APLP2: variants seen among roughly 807,000 people sequenced by gnomAD.
The protein encoded by APLP2 is amyloid beta precursor like protein 2, also known as CDEI box-binding protein.
A neutral mutation model predicts 89.9 loss-of-function variants in APLP2; 53 were observed. The ratio of observed to expected loss-of-function variants is 0.59; its 90% CI spans 0.47 to 0.74. APLP2 has a LOEUF of 0.74. APLP2 is among the 30% of genes least tolerant of loss of function. The pLI, the probability that APLP2 is intolerant of heterozygous loss-of-function variation, is 0.00. For missense variants in APLP2, 973 were observed against 975.9 expected, an observed-to-expected ratio of 1.00 and a Z score of 0.04; for synonymous variants, 372 against 348.6, an observed-to-expected ratio of 1.07 and a Z score of -0.75.
At chr11:130,072,184 C>T (rs1941229916) in intron 1 of APLP2, among the ~76,000 whole-genome samples, 1 of 152,216 alleles carries the variant, frequency 6.6e-6, no homozygotes, top group Non-Finnish European at 1.5e-5. Flanking sequence ...GACAAGTTCT[C>T]CTGTGTGCAT....
chr11:130,132,053 A>G (rs1304551762), intron 11 of APLP2, among the ~76,000 whole-genome samples: 1 of 152,110 alleles, frequency 6.6e-6, no homozygotes, highest in African/African-American at 2.4e-5. Context: ...CCCCCATACT[A>G]TAGCCAATGG....
At chr11:130,131,342 G>A (rs970808443) in intron 11 of APLP2, among the ~76,000 whole-genome samples, 4 of 152,092 alleles carry the variant, frequency 2.6e-5, no homozygotes, top group Non-Finnish European at 4.4e-5. Flanking sequence ...CAGGTAATCC[G>A]CCCACCTCTG....
intron 13 of APLP2, 39 bp from the exon 14 acceptor site, chr11:130,140,359 C>G (rs1253600202): frequency 6.5e-7 from 1 of 1,528,946 alleles, no homozygotes; most frequent in South Asian, 1.2e-5. Flanking sequence ...GTGAGATGGG[C>G]CATCCTTGGG....
chr11:130,115,850 C>A (rs951434946), intron 3 of APLP2, among the ~76,000 whole-genome samples: 7 of 152,228 alleles, frequency 4.6e-5, no homozygotes, highest in African/African-American at 4.8e-5. Flanking sequence ...AAATGTGTTT[C>A]CTCTTTCAGT....
At chr11:130,110,939 T>A (rs1031456243) in intron 3 of APLP2, among the ~76,000 whole-genome samples, 7 of 152,216 alleles carry the variant, frequency 4.6e-5, no homozygotes, top group East Asian at 3.9e-4. Flanking sequence ...GCCCTCACAT[T>A]GTTTGATATC....
At chr11:130,086,460 T>C (rs1029503648) in intron 1 of APLP2, among the ~76,000 whole-genome samples, 7 of 152,252 alleles carry the variant, frequency 4.6e-5, no homozygotes, top group Non-Finnish European at 1.0e-4. Context: ...TTTCTGTCAT[T>C]CTGCAGTTTG....
At chr11:130,137,309 G>A (rs1384862686) in intron 13 of APLP2, 5 of 1,611,428 alleles carry the variant, frequency 3.1e-6, no homozygotes, top group East Asian at 2.2e-5. Flanking sequence ...TGTCCAAGAT[G>A]TTCCCTTTAA....
At chr11:130,136,819 G>T (rs1373052362) in intron 13 of APLP2, among the ~76,000 whole-genome samples, 2 of 152,200 alleles carry the variant, frequency 1.3e-5, no homozygotes, top group African/African-American at 4.8e-5. Context: ...ATCTCTGTGG[G>T]TTTGTCGGGT....
chr11:130,105,733 C>T (rs1424490518), intron 1 of APLP2, among the ~76,000 whole-genome samples: 28 of 110,416 alleles, frequency 2.5e-4, no homozygotes, highest in East Asian at 3.2e-4. Context: ...GATGGAGTTT[C>T]GCTCTTGTTG....
rs1952640674 is a variant in APLP2, at chr11:130,143,277, C to T, written c.2155-70C>T. The T allele has an allele frequency of 3.5e-6, 5 of 1,416,100 alleles. No individual in the cohort carries two copies. In the South Asian group the frequency reaches 5.7e-5, roughly 16 times the overall value. 87.7% of individuals were successfully genotyped at this position (1,416,100 alleles called of 1,614,324 possible). On this transcript the variant is annotated intron_variant, in intron 16 of 16. Transcript: ENST00000338167. ...TCAGGGGATTGTGCAGCAAATGGCT[C>T]AGGTCTCCCAGCACCCTGTGCAGGT...
Position 130,120,834 on chromosome 11 carries a change from G to A in APLP2, c.516+16G>A, listed in dbSNP as rs1219339477. 2 of 1,571,916 alleles carry A rather than the reference G, an allele frequency of 1.3e-6. No homozygotes were observed. The highest frequency in any genetic ancestry group is 2.2e-5 in the South Asian group (2 of 90,192). On this transcript the variant is annotated intron_variant, in intron 4 of 16. Transcript: ENST00000338167. ...AGTCAAAGAGGTAAGAGAACTCGGG[G>A]GGAAAGTCAGCTGCTGTTGTATCTG...
rs753704296 is a variant in APLP2 at position 130,121,591 on chromosome 11, T to C, written c.517-23T>C. ...ACGTTTACTCTGGAGTATGTTCTGA[T>C]GTGGCCTGTGGGTTTCTTTTAGGCA... On this transcript the variant is annotated intron_variant, in intron 4 of 16. Coordinates refer to ENST00000338167, the MANE Select transcript of APLP2 (RefSeq NM_001142276.2). 1.9e-6 allele frequency: 3 copies of C among 1,604,034 alleles called. No homozygotes were observed. The South Asian group carries it at 3.3e-5, about 18-fold the overall frequency.
At chr11:130,138,150 A>G (rs1487287525) in intron 13 of APLP2, among the ~76,000 whole-genome samples, 2 of 152,186 alleles carry the variant, frequency 1.3e-5, no homozygotes, top group Non-Finnish European at 2.9e-5. Context: ...AATCATTTCA[A>G]CATTTCTTGT....
intron 13 of APLP2, chr11:130,137,297 T>C: frequency 3.7e-6 from 6 of 1,613,698 alleles, no homozygotes; most frequent in Non-Finnish European, 5.1e-6. Context: ...AAAAGGTTGG[T>C]TTGTCCAAGA....
intron 1 of APLP2, chr11:130,101,223 C>T (rs1351573013): frequency 2.0e-5 from 3 of 153,350 alleles, no homozygotes; most frequent in South Asian, 2.1e-4. Context: ...GTCGCCCAGG[C>T]GGAATGCAGT....
intron 1 of APLP2, among the ~76,000 whole-genome samples, chr11:130,101,215 C>CCA (rs1188202709): frequency 6.6e-6 from 1 of 152,200 alleles, no homozygotes; most frequent in Non-Finnish European, 1.5e-5. Flanking sequence ...CTCGCTCTGT[C>CCA]GCCCAGGCGG....
chr11:130,089,791 T>C (rs1449489642), intron 1 of APLP2, among the ~76,000 whole-genome samples: 1 of 152,254 alleles, frequency 6.6e-6, no homozygotes, highest in Non-Finnish European at 1.5e-5. Flanking sequence ...TTTGGCAGCG[T>C]AACTCCATCT....
chr11:130,086,169 A>G (rs1038366759), intron 1 of APLP2, among the ~76,000 whole-genome samples: 1 of 152,236 alleles, frequency 6.6e-6, no homozygotes, highest in Non-Finnish European at 1.5e-5. Flanking sequence ...ACAGTGGACA[A>G]AGGTTCCAAT....
intron 13 of APLP2, among the ~76,000 whole-genome samples, chr11:130,138,243 T>C (rs565600379): frequency 1.4e-4 from 22 of 152,302 alleles, no homozygotes; most frequent in African/African-American, 5.1e-4. Flanking sequence ...GCTAAGAAGG[T>C]GGTGTTCTGG....
Sources: allele counts gnomAD v4.1 joint callset (sites outside exome capture counted in the v4.1 genomes callset), GRCh38; gene constraint gnomAD v4.1.1; transcripts MANE v1.5; gene names NCBI Gene and HGNC (gene_info 2026-07-23, HGNC 2026-07-21).